The following WDPCP variants were observed in gnomAD, a reference collection of about 807,000 sequenced individuals.
WDPCP encodes WD repeat containing planar cell polarity effector, also known as WD repeat-containing and planar cell polarity effector protein fritz homolog.
Under a neutral mutation model 93.1 loss-of-function variants are expected in WDPCP, and 71 were observed. The observed-to-expected ratio is 0.76, with a 90% CI of 0.63 to 0.93. The LOEUF is 0.93. Ranked by LOEUF, WDPCP falls within the 40% of genes least tolerant of loss-of-function variation. WDPCP has a pLI of 0.00. For missense variants in WDPCP, 844 were observed against 887.4 expected, an observed-to-expected ratio of 0.95 and a Z score of 0.62; for synonymous variants, 315 against 315.0, an observed-to-expected ratio of 1.00 and a Z score of 0.00.
chr2:63,263,380 A>C (rs969191630), intron 13 of WDPCP, among the ~76,000 whole-genome samples: 2 of 152,202 alleles, frequency 1.3e-5, no homozygotes, highest in Non-Finnish European at 2.9e-5. Flanking sequence ...ATCATGAACA[A>C]ATTAATGCTG....
chr2:63,789,153 A>T (rs13432712), intron 2 of WDPCP, among the ~76,000 whole-genome samples: 1 of 152,248 alleles, frequency 6.6e-6, no homozygotes, highest in Non-Finnish European at 1.5e-5. Flanking sequence ...ATAGAAAAAT[A>T]TAACAGAGAT....
intron 9 of WDPCP, among the ~76,000 whole-genome samples, chr2:63,425,145 T>C (rs905690542): frequency 1.3e-5 from 2 of 152,106 alleles, no homozygotes; most frequent in Non-Finnish European, 2.9e-5. Context: ...TCTGAAAGCA[T>C]CCAGAAACAA....
chr2:63,457,504 A>T (rs75935324), intron 6 of WDPCP, among the ~76,000 whole-genome samples: 3,119 of 152,320 alleles, frequency 0.02, 126 homozygotes, highest in African/African-American at 0.071. Context: ...ACAACAAAAA[A>T]GTAAAACTGC....
At chr2:63,526,396 G>C (rs1162777773) in intron 1 of WDPCP, among the ~76,000 whole-genome samples, 1 of 152,152 alleles carries the variant, frequency 6.6e-6, no homozygotes, top group Non-Finnish European at 1.5e-5. Flanking sequence ...AAAAGGAGAA[G>C]CAGTGGCAAC....
intron 2 of WDPCP, among the ~76,000 whole-genome samples, chr2:63,729,651 T>C (rs1391882280): frequency 2.6e-5 from 4 of 152,160 alleles, no homozygotes; most frequent in African/African-American, 9.7e-5. Context: ...CCCAGAAATA[T>C]TGCACAACTC....
chr2:63,127,418 C>T (rs1464285998), intron 17 of WDPCP, among the ~76,000 whole-genome samples: 2 of 151,544 alleles, frequency 1.3e-5, no homozygotes, highest in Non-Finnish European at 2.9e-5. Flanking sequence ...CCACCGCACC[C>T]GGCCTGAAAA....
intron 1 of WDPCP, among the ~76,000 whole-genome samples, chr2:63,506,169 T>C (rs1005039708): frequency 1.3e-5 from 2 of 152,108 alleles, no homozygotes; most frequent in Admixed American, 1.3e-4. Flanking sequence ...ATTTTATGTA[T>C]CTTATAATCA....
In WDPCP at chr2:63,606,973, C is replaced by T. The variant is rs369309851; in HGVS notation, n.488+43686G>A. The T allele has an allele frequency of 2.5e-6, 4 of 1,611,480 alleles. No homozygotes were observed. In the African/African-American group the frequency reaches 4.0e-5, roughly 16 times the overall value. On this transcript the variant is annotated intron_variant and non_coding_transcript_variant, in intron 3 of 4. Coordinates refer to the WDPCP transcript ENST00000467687. Reference sequence around the variant, plus strand: ...AGAAAAAGAAAGTGCTTTTGAATTTCTTTCCTCTGCCTGACTAGACAATGA... The same window carrying T: ...AGAAAAAGAAAGTGCTTTTGAATTTTTTTCCTCTGCCTGACTAGACAATGA...
chr2:63,661,011 T>C (rs1364021471), intron 2 of WDPCP, among the ~76,000 whole-genome samples: 1 of 152,250 alleles, frequency 6.6e-6, no homozygotes, highest in Admixed American at 6.5e-5. Context: ...TTCTTGACTT[T>C]TGTTTCATAG....
rs780608621 is a variant in WDPCP at position 63,819,571 on chromosome 2, G to GTT, written n.223-5866_223-5865dup. Among the ~76,000 whole-genome samples the GTT allele has an allele frequency of 7.6e-4, 116 of 152,278 alleles. 1 individual carries two copies. Among genetic ancestry groups the GTT allele is most frequent in the Non-Finnish European group, 1.5e-3 (104 of 68,010 alleles). ...CAGCTTGCTGGGCTCCACTTTCGGA[G>GTT]TTTTAATTCATAGACATGCAGTAAG... On this transcript the variant is annotated intron_variant and non_coding_transcript_variant, in intron 1 of 4. Coordinates refer to the WDPCP transcript ENST00000467687.
intron 2 of WDPCP, among the ~76,000 whole-genome samples, chr2:63,490,113 A>G (rs1700790551): frequency 6.6e-6 from 1 of 151,734 alleles, no homozygotes; most frequent in African/African-American, 2.4e-5. Flanking sequence ...GTAAAAAAAA[A>G]AAAAAAGGCG....
At chr2:63,326,175 C>A (rs1687521776) in intron 12 of WDPCP, among the ~76,000 whole-genome samples, 1 of 152,210 alleles carries the variant, frequency 6.6e-6, no homozygotes. Context: ...CCTTGAGCGA[C>A]TGGTGCTTCA....
At chr2:63,168,737 A>G (rs1673177084) in intron 15 of WDPCP, 1 of 152,272 alleles carries the variant, frequency 6.6e-6, no homozygotes, top group Admixed American at 6.5e-5. Context: ...ACCAGGTTGC[A>G]TAAGGTGGGG....
chr2:63,721,745 C>T (rs1190326212), intron 2 of WDPCP, among the ~76,000 whole-genome samples: 2 of 140,494 alleles, frequency 1.4e-5, no homozygotes, highest in African/African-American at 2.6e-5. Context: ...CCTCTCCCCA[C>T]GGTCTCCCTC....
upstream of WDPCP, among the ~76,000 whole-genome samples, chr2:63,828,918 A>T (rs911218277): frequency 1.3e-5 from 2 of 152,138 alleles, no homozygotes; most frequent in Non-Finnish European, 2.9e-5. Flanking sequence ...TTTTTACTCA[A>T]GAAAATTGCT....
At chr2:63,142,298 G>A (rs142510907) in intron 17 of WDPCP, among the ~76,000 whole-genome samples, 2,369 of 152,174 alleles carry the variant, frequency 0.016, 53 homozygotes, top group African/African-American at 0.051. Context: ...TCTTAGCACC[G>A]CCTTTGCTGT....
Position 63,484,824 on chromosome 2 carries a change from T to C in WDPCP, c.324+93A>G, listed in dbSNP as rs1479290124. The C allele has an allele frequency of 2.0e-6, 3 of 1,499,062 alleles. No individual in the cohort carries two copies. In the South Asian group the frequency reaches 3.5e-5, roughly 18 times the overall value. The allele number at this position is 1,499,062 out of a possible 1,614,324, so 92.9% of individuals were successfully genotyped here. On this transcript the variant is annotated intron_variant, in intron 5 of 17. Transcript: ENST00000272321. ...GACAAAAGCAAAGCTATCATCACCA[T>C]GAGAGTTGATCCTTTATGAAAATTA...
At chr2:63,685,714 T>C (rs998181573) in intron 2 of WDPCP, among the ~76,000 whole-genome samples, 2 of 152,268 alleles carry the variant, frequency 1.3e-5, no homozygotes, top group African/African-American at 4.8e-5. Flanking sequence ...AAGAAAATAC[T>C]AGCAAGCCAA....
At chr2:63,671,169 T>C (rs1434633898) in intron 2 of WDPCP, among the ~76,000 whole-genome samples, 1 of 152,128 alleles carries the variant, frequency 6.6e-6, no homozygotes, top group African/African-American at 2.4e-5. Flanking sequence ...CTGACTGCCA[T>C]GAGGTGTGCC....
Sources: allele counts gnomAD v4.1 joint callset (sites outside exome capture counted in the v4.1 genomes callset), GRCh38; gene constraint gnomAD v4.1.1; transcripts MANE v1.5; gene names NCBI Gene and HGNC (gene_info 2026-07-23, HGNC 2026-07-21).